The following AXIN2 variants were observed in gnomAD, a reference collection of about 807,000 sequenced individuals.
AXIN2 encodes axin 2, also known as axin-2.
Under a neutral mutation model 74.7 loss-of-function variants are expected in AXIN2, and 21 were observed. The observed-to-expected ratio is 0.28, with a 90% CI of 0.20 to 0.40. The LOEUF (loss-of-function observed/expected upper bound fraction) is 0.40. Among genes scored for constraint, AXIN2 ranks in the 10% least tolerant of loss-of-function variants. The pLI, the probability that AXIN2 is intolerant of heterozygous loss-of-function variation, is 1.00. For synonymous variants in AXIN2, 532 were observed against 454.9 expected (o/e 1.17, Z -2.16); for missense variants, 1,144 against 1,111.1 (o/e 1.03, Z -0.42).
chr17:65,529,516 C>G lies in AXIN2; in HGVS notation c.*460G>C. On this transcript the variant is annotated 3_prime_UTR_variant, in exon 11 of 11. Coordinates refer to ENST00000307078, the MANE Select transcript of AXIN2 (RefSeq NM_004655.4). ...TCCTAGCTCAACTCCTAAGTTTAGT[C>G]AGAACAATTAAAACTTCCTGTCTCC... is the stretch of plus-strand genomic sequence containing the variant. 1 of 330,082 alleles carries G rather than the reference C, an allele frequency of 3.0e-6. No homozygotes were observed. Among genetic ancestry groups the G allele is most frequent in the South Asian group, 5.0e-5 (1 of 20,194 alleles). 20.4% of individuals were successfully genotyped at this position (330,082 alleles called of 1,614,324 possible).
chr17:65,532,724 T>G (rs2043844035), intron 10 of AXIN2, among the ~76,000 whole-genome samples: 1 of 152,234 alleles, frequency 6.6e-6, no homozygotes, highest in Non-Finnish European at 1.5e-5. Flanking sequence ...CATGCCCACC[T>G]GGCAGGTTAC....
rs148159432 is a variant in AXIN2 at position 65,530,030 on chromosome 17, C to T, written c.2478G>A (p.Thr826=). The T allele has an allele frequency of 1.3e-5, 21 of 1,614,088 alleles. No homozygotes were observed. Among genetic ancestry groups the T allele is most frequent in the East Asian group, 2.2e-5 (1 of 44,896 alleles). ...TCCGGCCTTCATACATCGGGAGCACCGTCTCATCCTCCCAGATCTCCTCAA... is the reference window on the plus strand; with the variant it reads ...TCCGGCCTTCATACATCGGGAGCACTGTCTCATCCTCCCAGATCTCCTCAA... ...AVFEEIWEDE[T]VLPMYEGRIL... is the part of the protein sequence containing the mutation. Residue 826 remains threonine (T), a synonymous_variant, in exon 11 of 11, where the codon ACG becomes ACA. Transcript: ENST00000307078.
rs372928836 is a variant in AXIN2 at position 65,537,188 on chromosome 17, A to T, written c.1713-125T>A. ...AAAGACCCATGCACCTGCTCCCCGCACCCTCACCCGGCCGTGCACTCTGCC... is the reference window on the plus strand; with the variant it reads ...AAAGACCCATGCACCTGCTCCCCGCTCCCTCACCCGGCCGTGCACTCTGCC... On this transcript the variant is annotated intron_variant, in intron 6 of 10. Transcript: ENST00000307078. The T allele has an allele frequency of 7.1e-6, 11 of 1,539,030 alleles. No homozygotes were observed. In the East Asian group the frequency reaches 1.4e-4, roughly 19 times the overall value.
intron 3 of AXIN2, among the ~76,000 whole-genome samples, chr17:65,542,481 G>T (rs529610282): frequency 6.6e-6 from 1 of 152,274 alleles, no homozygotes; most frequent in East Asian, 1.9e-4. Flanking sequence ...CTGGTGAGTG[G>T]GTAAGCTGCA....
Position 65,558,024 on chromosome 17 carries a change from A to T in AXIN2, c.597T>A (p.Tyr199Ter). ...MFLTSDIYLE[Y>*]VRSGGENTAY... is the part of the protein sequence containing the mutation. Reference sequence around the variant, plus strand: ...CTGTGTTTTCTCCCCCACTCCTCACATATTCGAGGTATATATCAGAAGTCA... The same window carrying T: ...CTGTGTTTTCTCCCCCACTCCTCACTTATTCGAGGTATATATCAGAAGTCA... The change falls in exon 2 of 11, where the codon TAT becomes TAA. Residue 199 changes from tyrosine (Y) to a stop codon, truncating the protein, a stop_gained. Coordinates refer to ENST00000307078, the MANE Select transcript of AXIN2 (RefSeq NM_004655.4). LOFTEE classifies it high-confidence loss of function. The T allele has an allele frequency of 6.2e-7, 1 of 1,614,052 alleles. No homozygotes were observed. The highest frequency in any genetic ancestry group is 1.3e-5 in the African/African-American group (1 of 75,004).
At chr17:65,536,640 T>G (rs183506316) in intron 7 of AXIN2, 87 bp from the exon 8 acceptor site, 3 of 1,503,984 alleles carry the variant, frequency 2.0e-6, no homozygotes, top group Admixed American at 1.7e-5. Flanking sequence ...GAAACTTGTC[T>G]ATTCTGCTCA....
chr17:65,551,375 A>G (rs2044191160), intron 2 of AXIN2, among the ~76,000 whole-genome samples: 1 of 152,122 alleles, frequency 6.6e-6, no homozygotes, highest in African/African-American at 2.4e-5. Flanking sequence ...TAGCCAGGCT[A>G]AGAAGGCCTG....
chr17:65,531,322 T>C (rs1488995690), intron 10 of AXIN2, among the ~76,000 whole-genome samples: 1 of 152,122 alleles, frequency 6.6e-6, no homozygotes, highest in East Asian at 1.9e-4. Flanking sequence ...CAAGGTTCTT[T>C]GTTTTTAGCA....
intron 4 of AXIN2, 33 bp from the exon 5 acceptor site, chr17:65,538,376 C>T (rs1279890483): frequency 1.9e-6 from 3 of 1,612,812 alleles, no homozygotes; most frequent in Admixed American, 1.7e-5. Flanking sequence ...GGAGGAGGCA[C>T]GTTCAGCAGG....
chr17:65,554,977 T>C (rs1355755084), intron 2 of AXIN2, among the ~76,000 whole-genome samples: 1 of 152,200 alleles, frequency 6.6e-6, no homozygotes, highest in Non-Finnish European at 1.5e-5. Context: ...GCTTTTGCTC[T>C]AGGTTATTTA....
chr17:65,537,857 G>A (rs763025699), intron 5 of AXIN2, 22 bp from the exon 6 acceptor site: 18 of 1,527,556 alleles, frequency 1.2e-5, no homozygotes, highest in Admixed American at 6.3e-5. Context: ...GACGTCAGAA[G>A]GAGAAGTGAC....
In AXIN2 at chr17:65,528,828, G is replaced by T. The variant is rs949197510; in HGVS notation, c.*1148C>A. On this transcript the variant is annotated 3_prime_UTR_variant, in exon 11 of 11. Transcript: ENST00000307078. ...CGGAGCGGGTGACCGTGCAGGTACAGGTACTGTACTGATTTAAAGTCAAGC... is the reference window on the plus strand; with the variant it reads ...CGGAGCGGGTGACCGTGCAGGTACATGTACTGTACTGATTTAAAGTCAAGC... 1.1e-5 allele frequency: 5 copies of T among 441,990 alleles called. No individual in the cohort carries two copies. The Admixed American group carries it at 1.9e-4, about 17-fold the overall frequency. The allele number at this position is 441,990 out of a possible 1,614,324, so 27.4% of individuals were successfully genotyped here.
chr17:65,536,847 G>T (rs765670016), intron 7 of AXIN2, 22 bp downstream of exon 7: 1 of 1,612,192 alleles, frequency 6.2e-7, no homozygotes, highest in African/African-American at 1.3e-5. Context: ...TCGCGGCCGC[G>T]GCGGCGGCAA....
chr17:65,537,510 T>C lies in AXIN2; in HGVS notation c.1526A>G (p.Gln509Arg), dbSNP rs778327226. 1.2e-6 allele frequency: 2 copies of C among 1,613,752 alleles called. No homozygotes were observed. The highest frequency in any genetic ancestry group is 1.7e-5 in the Admixed American group (1 of 60,014). The change falls in exon 6 of 11, where the codon CAG becomes CGG. Residue 509 changes from glutamine (Q) to arginine (R), a missense_variant. By Grantham distance (43) the Gln-to-Arg change is conservative. Coordinates refer to ENST00000307078, the MANE Select transcript of AXIN2 (RefSeq NM_004655.4). ...LLGGKGFVTKQTTKHVHHHYI... is the reference protein window; with the variant it reads ...LLGGKGFVTKRTTKHVHHHYI... Reference sequence around the variant, plus strand: ...GTGGTGGTGGACATGCTTCGTCGTCTGCTTGGTCACAAAGCCTTTGCCCCC... The same window carrying C: ...GTGGTGGTGGACATGCTTCGTCGTCCGCTTGGTCACAAAGCCTTTGCCCCC...
rs540678881 is a variant in AXIN2, at chr17:65,553,020, C to T, written c.816-3360G>A. Among the ~76,000 whole-genome samples, 19 of 152,160 alleles carry T rather than the reference C, an allele frequency of 1.2e-4. 1 individual carries two copies. In the South Asian group the frequency reaches 3.7e-3, roughly 30 times the overall value. Reference sequence around the variant, plus strand: ...TCCAGCCTAGGCAACAAGAATGAAACTCCATCTCAAAAAAAACAAAAACAA... The same window carrying T: ...TCCAGCCTAGGCAACAAGAATGAAATTCCATCTCAAAAAAAACAAAAACAA... On this transcript the variant is annotated intron_variant, in intron 2 of 10. Transcript: ENST00000307078.
intron 2 of AXIN2, among the ~76,000 whole-genome samples, chr17:65,554,625 C>T (rs140083726): frequency 2.1e-3 from 323 of 152,294 alleles, no homozygotes; most frequent in African/African-American, 7.3e-3. Flanking sequence ...CCAATGGCTC[C>T]GCACAAAAAC....
In AXIN2 at chr17:65,541,554, A is replaced by G. The variant is rs1598104363; in HGVS notation, c.960T>C (p.Asp320=). 1.2e-6 allele frequency: 2 copies of G among 1,613,164 alleles called. No individual in the cohort carries two copies. Among genetic ancestry groups the G allele is most frequent in the South Asian group, 1.1e-5 (1 of 91,062 alleles). Residue 320 remains aspartate (D), a synonymous_variant, in exon 4 of 11, where the codon GAT becomes GAC. Coordinates refer to ENST00000307078, the MANE Select transcript of AXIN2 (RefSeq NM_004655.4). ...DSMSMTDSSV[D]GIPPYRVGSK... ...TGCCCACACGATAAGGAGGAATTCCATCTCTAAGGGAAAGGAAAAGACAGA... is the reference window on the plus strand; with the variant it reads ...TGCCCACACGATAAGGAGGAATTCCGTCTCTAAGGGAAAGGAAAAGACAGA...
At chr17:65,548,627 G>A (rs1463845144) in intron 3 of AXIN2, among the ~76,000 whole-genome samples, 1 of 152,058 alleles carries the variant, frequency 6.6e-6, no homozygotes, top group Non-Finnish European at 1.5e-5. Context: ...CTATCCCCAG[G>A]CTCCACTCTG....
At chr17:65,541,304 C>CA in intron 4 of AXIN2, 151 bp downstream of exon 4, 1 of 730,356 alleles carries the variant, frequency 1.4e-6, no homozygotes, top group Non-Finnish European at 2.5e-6. Flanking sequence ...TGCCTATTGT[C>CA]CAGTTCTTTT....
Sources: allele counts gnomAD v4.1 joint callset (sites outside exome capture counted in the v4.1 genomes callset), GRCh38; gene constraint gnomAD v4.1.1; transcripts MANE v1.5; gene names NCBI Gene and HGNC (gene_info 2026-07-23, HGNC 2026-07-21).